Variants in TOMM70 observed in about 807,000 individuals in gnomAD.
TOMM70 encodes translocase of outer mitochondrial membrane 70.
A neutral mutation model predicts 73.6 loss-of-function variants in TOMM70; 13 were observed. That is an observed-to-expected ratio of 0.18 (90% CI 0.11 to 0.28). The LOEUF (loss-of-function observed/expected upper bound fraction) is 0.28. Among genes scored for constraint, TOMM70 ranks in the 10% least tolerant of loss-of-function variants. The pLI is 1.00. For synonymous variants in TOMM70, 257 were observed against 271.2 expected (o/e 0.95, Z 0.51); for missense variants, 609 against 747.5 (o/e 0.81, Z 2.16).
intron 5 of TOMM70, among the ~76,000 whole-genome samples, chr3:100,380,552 C>T (rs1453960941): frequency 1.3e-5 from 2 of 152,134 alleles, no homozygotes; most frequent in Non-Finnish European, 2.9e-5. Context: ...GGGTCCAATT[C>T]CAGTTAGTGT....
intron 5 of TOMM70, among the ~76,000 whole-genome samples, chr3:100,379,739 C>T (rs1706608926): frequency 6.6e-6 from 1 of 152,138 alleles, no homozygotes; most frequent in Non-Finnish European, 1.5e-5. Context: ...ACCTCAGCCT[C>T]CCCAGTTGCT....
At chr3:100,396,201 T>TG (rs1443699121) in intron 1 of TOMM70, among the ~76,000 whole-genome samples, 2 of 152,066 alleles carry the variant, frequency 1.3e-5, no homozygotes, top group African/African-American at 4.8e-5. Context: ...ACAGATCATT[T>TG]GGGGGAGAGA....
At chr3:100,377,604 T>G in intron 6 of TOMM70, 101 bp downstream of exon 6, 1 of 1,153,296 alleles carries the variant, frequency 8.7e-7, no homozygotes, top group Non-Finnish European at 1.2e-6. Flanking sequence ...AAACAGCCCT[T>G]TGAAGAATGG....
intron 10 of TOMM70, among the ~76,000 whole-genome samples, chr3:100,368,758 T>A (rs920295569): frequency 6.6e-6 from 1 of 152,124 alleles, no homozygotes; most frequent in African/African-American, 2.4e-5. Flanking sequence ...GTAGTTTTAG[T>A]AGACACCGGG....
At chr3:100,380,543 G>C (rs1706621565) in intron 5 of TOMM70, among the ~76,000 whole-genome samples, 1 of 152,000 alleles carries the variant, frequency 6.6e-6, no homozygotes, top group Non-Finnish European at 1.5e-5. Flanking sequence ...TTAAAACTTG[G>C]GTCCAATTCC....
chr3:100,387,897 A>G (rs975583507), intron 1 of TOMM70, among the ~76,000 whole-genome samples: 1 of 152,162 alleles, frequency 6.6e-6, no homozygotes, highest in African/African-American at 2.4e-5. Context: ...CTTTTTCAAA[A>G]AGGCTGCAGT....
At position 100,369,134 on chromosome 3, in the gene TOMM70, G is replaced by C. The variant is rs1278240174; in HGVS notation, c.1454C>G (p.Ala485Gly). ...CAEGYALYAQ[A>G]LTDQQQFGKA... ...ACCAAACTGTTGTTGATCTGTTAATGCCTATGTGAGGAGATACTTCAGTTA... is the reference window on the plus strand; with the variant it reads ...ACCAAACTGTTGTTGATCTGTTAATCCCTATGTGAGGAGATACTTCAGTTA... Residue 485 changes from alanine (A) to glycine (G), a missense_variant and splice_region_variant, in exon 10 of 12, where the codon GCA (alanine) becomes GGA (glycine). Physicochemically the swap from Ala to Gly is moderately conservative, Grantham distance 60. Coordinates refer to ENST00000284320, the MANE Select transcript of TOMM70 (RefSeq NM_014820.5). 1 of 1,606,810 alleles carries C rather than the reference G, an allele frequency of 6.2e-7. No homozygotes were observed. The highest frequency in any genetic ancestry group is 1.7e-5 in the Admixed American group (1 of 59,800).
chr3:100,395,417 G>T (rs1276186031), intron 1 of TOMM70, among the ~76,000 whole-genome samples: 1 of 151,340 alleles, frequency 6.6e-6, no homozygotes, highest in Non-Finnish European at 1.5e-5. Flanking sequence ...AATTCACCAG[G>T]CATGGTGGCG....
At chr3:100,383,537 C>CAG (rs1295992908) in intron 4 of TOMM70, among the ~76,000 whole-genome samples, 15 of 140,000 alleles carry the variant, frequency 1.1e-4, no homozygotes, top group Non-Finnish European at 2.4e-4. Flanking sequence ...AAAAAAAAAA[C>CAG]AGAGAGAGAG....
chr3:100,373,218 G>C (rs988106832), intron 8 of TOMM70, among the ~76,000 whole-genome samples: 1 of 151,070 alleles, frequency 6.6e-6, no homozygotes, highest in Non-Finnish European at 1.5e-5. Context: ...GCAGGGGTGA[G>C]AGAGCAAGTT....
At chr3:100,381,223 A>G (rs1023951130) in intron 5 of TOMM70, among the ~76,000 whole-genome samples, 21 of 152,244 alleles carry the variant, frequency 1.4e-4, no homozygotes, top group African/African-American at 5.1e-4. Context: ...CACCCCTAAA[A>G]GTATCTGTTT....
chr3:100,364,872 T>C lies in TOMM70; in HGVS notation c.*692A>G, dbSNP rs1706431136. 1 of 152,180 alleles carries C rather than the reference T, an allele frequency of 6.6e-6. No individual in the cohort carries two copies. The highest frequency in any genetic ancestry group is 2.1e-4 in the South Asian group (1 of 4,836). The allele number at this position is 152,180 out of a possible 1,614,324, so 9.4% of individuals were successfully genotyped here. ...CATCAATACTCAGTCTTCCAACACA[T>C]ATATCAATTAGAATATTTTGCATCT... is the stretch of plus-strand genomic sequence containing the variant. On this transcript the variant is annotated 3_prime_UTR_variant, in exon 12 of 12. Transcript: ENST00000284320.
rs1218165447 is a variant in TOMM70 at position 100,365,429 on chromosome 3, G to C, written c.*135C>G. ...ACCCACAACACCTAGACATGAAACAGATGTAACAAATAACAACACCACAAA... is the reference window on the plus strand; with the variant it reads ...ACCCACAACACCTAGACATGAAACACATGTAACAAATAACAACACCACAAA... On this transcript the variant is annotated 3_prime_UTR_variant, in exon 12 of 12. Transcript: ENST00000284320. 1 of 1,338,374 alleles carries C rather than the reference G, an allele frequency of 7.5e-7. No homozygotes were observed. The highest frequency in any genetic ancestry group is 2.2e-5 in the Admixed American group (1 of 45,644). The allele number at this position is 1,338,374 out of a possible 1,614,324, so 82.9% of individuals were successfully genotyped here.
At chr3:100,397,801 A>G (rs1176277662) in intron 1 of TOMM70, among the ~76,000 whole-genome samples, 2 of 152,054 alleles carry the variant, frequency 1.3e-5, no homozygotes, top group African/African-American at 4.8e-5. Flanking sequence ...AGGCAGGACA[A>G]TCTCTTGAGC....
chr3:100,387,098 C>T, intron 1 of TOMM70, 120 bp from the exon 2 acceptor site: 2 of 1,024,556 alleles, frequency 2.0e-6, no homozygotes, highest in South Asian at 1.6e-5. Context: ...ATGTAAGTTG[C>T]TTCATACAAA....
In TOMM70 at chr3:100,378,799, G is replaced by A. The variant is rs985092162; in HGVS notation, c.885-887C>T. Among the ~76,000 whole-genome samples, 11 of 152,260 alleles carry A rather than the reference G, an allele frequency of 7.2e-5. No individual in the cohort carries two copies. The East Asian group carries it at 1.9e-3, about 27-fold the overall frequency. On this transcript the variant is annotated intron_variant, in intron 5 of 11. Coordinates refer to ENST00000284320, the MANE Select transcript of TOMM70 (RefSeq NM_014820.5). ...AGGTGGGCGGATCACGAGGTCAGGA[G>A]ATCGAGACCATCCTGGCAAACATGG...
chr3:100,374,176 T>A (rs765142664), intron 7 of TOMM70, among the ~76,000 whole-genome samples: 2 of 152,252 alleles, frequency 1.3e-5, no homozygotes, highest in Non-Finnish European at 2.9e-5. Context: ...TGTTTAGATA[T>A]GTTTTAGACA....
intron 1 of TOMM70, among the ~76,000 whole-genome samples, chr3:100,398,383 C>CA (rs397970636): frequency 0.18 from 17,439 of 97,790 alleles, 2,440 homozygotes; most frequent in East Asian, 0.51. Context: ...GACGCTGTCT[C>CA]AAAAAAAAAA....
chr3:100,398,784 C>G (rs1292618456), intron 1 of TOMM70, among the ~76,000 whole-genome samples: 1 of 152,188 alleles, frequency 6.6e-6, no homozygotes, highest in Non-Finnish European at 1.5e-5. Context: ...CACTATAAAG[C>G]TTACAAATCC....
Sources: gnomAD v4.1 joint callset for allele counts (sites outside exome capture counted in the v4.1 genomes callset) on GRCh38, gnomAD v4.1.1 for gene constraint, MANE v1.5 for transcripts, NCBI Gene and HGNC (gene_info 2026-07-23, HGNC 2026-07-21) for gene names.